Variants in C9orf153 observed in about 807,000 individuals in gnomAD.
The protein encoded by C9orf153 is uncharacterized protein C9orf153.
In C9orf153, 10 loss-of-function variants were observed where a neutral mutation model predicts 9.0. The ratio of observed to expected loss-of-function variants is 1.11; its 90% confidence interval spans 0.69 to 1.89. The LOEUF (loss-of-function observed/expected upper bound fraction) is 1.89. Ranked by LOEUF, C9orf153 falls within the 40% of genes most tolerant of loss-of-function variation. The pLI is 0.00. For synonymous variants in C9orf153, 35 were observed against 37.3 expected (o/e 0.94, Z 0.23); for missense variants, 108 against 111.0 (o/e 0.97, Z 0.12).
intron 1 of C9orf153, among the ~76,000 whole-genome samples, chr9:86,255,928 A>ATTC (rs1825114405): frequency 6.6e-6 from 1 of 152,162 alleles, no homozygotes; most frequent in Non-Finnish European, 1.5e-5. Context: ...TTGGGGAAGG[A>ATTC]GAACTTTGAT....
intron 1 of C9orf153, 30 bp from the exon 2 acceptor site, chr9:86,229,659 A>G: frequency 7.7e-7 from 1 of 1,304,998 alleles, no homozygotes; most frequent in Non-Finnish European, 1.1e-6. Flanking sequence ...AAAAGACAAA[A>G]ATCAAAGATT....
chr9:86,236,939 T>TAAAA (rs57214746), intron 1 of C9orf153, among the ~76,000 whole-genome samples: 6 of 79,952 alleles, frequency 7.5e-5, no homozygotes, highest in African/African-American at 8.0e-5. Flanking sequence ...CGTCTCTAAA[T>TAAAA]AAAAAAAAAA....
intron 1 of C9orf153, among the ~76,000 whole-genome samples, chr9:86,232,139 C>A (rs1824485846): frequency 6.6e-6 from 1 of 152,178 alleles, no homozygotes; most frequent in Non-Finnish European, 1.5e-5. Context: ...AATATGTCCT[C>A]ATGTTATTAC....
chr9:86,224,743 C>G (rs571465861), intron 3 of C9orf153, among the ~76,000 whole-genome samples: 1 of 143,156 alleles, frequency 7.0e-6, no homozygotes, highest in Non-Finnish European at 1.5e-5. Flanking sequence ...CTGGCTAATA[C>G]GGTAAAACCC....
intron 2 of C9orf153, 147 bp downstream of exon 2, chr9:86,229,390 GA>G (rs1824412570): frequency 1.8e-6 from 1 of 557,952 alleles, no homozygotes; most frequent in Non-Finnish European, 3.2e-6. Flanking sequence ...ACTTCTCTGT[GA>G]CTAAGAATGT....
In C9orf153 at chr9:86,229,563, C is replaced by G; in HGVS notation, c.41G>C (p.Arg14Thr). 1 of 1,612,812 alleles carries G rather than the reference C, an allele frequency of 6.2e-7. No individual in the cohort carries two copies. Among genetic ancestry groups the G allele is most frequent in the Non-Finnish European group, 8.5e-7 (1 of 1,178,880 alleles). ...TGDTSPAEDN[R>T]EATLPQCSLP... The stretch of plus-strand genomic sequence containing the variant: ...TGAACATTGAGGAAGGGTGGCTTCT[C>G]TATTGTCCTCAGCTGGACTGGTGTC... The change falls in exon 2 of 4, where the codon AGA (arginine) becomes ACA (threonine). Residue 14 changes from arginine (R) to threonine (T), a missense_variant. Physicochemically the swap from Arg to Thr is moderately conservative, Grantham distance 71. Transcript: ENST00000339137.
intron 2 of C9orf153, 62 bp downstream of exon 2, chr9:86,229,476 T>C: frequency 8.5e-7 from 1 of 1,178,506 alleles, no homozygotes; most frequent in Non-Finnish European, 1.3e-6. Flanking sequence ...AGTTTGAATG[T>C]TTATGATTCT....
Position 86,227,647 on chromosome 9 carries a change from C to CTT in C9orf153, c.242+206_242+207dup. On this transcript the variant is annotated intron_variant, in intron 3 of 3. Coordinates refer to ENST00000339137, the MANE Select transcript of C9orf153 (RefSeq NM_001276366.4). ...TGCATAAGATTTTGGGGCTTGGAAC[C>CTT]TTCTGTACGGTAACTTGGGCCAAGG... is the stretch of plus-strand genomic sequence containing the variant. The CTT allele has an allele frequency of 4.1e-6, 4 of 985,322 alleles. No homozygotes were observed. In the South Asian group the frequency reaches 1.4e-4, roughly 35 times the overall value. The allele number at this position is 985,322 out of a possible 1,614,324, so 61.0% of individuals were successfully genotyped here. A position where few individuals can be genotyped will look rare whatever the true frequency, so the allele number is the denominator to read the frequency against.
chr9:86,247,766 A>C (rs1242367464), intron 1 of C9orf153, among the ~76,000 whole-genome samples: 1 of 152,244 alleles, frequency 6.6e-6, no homozygotes. Context: ...TTCATGGTGC[A>C]AAATTATCTT....
At chr9:86,229,971 C>A (rs1040675764) in intron 1 of C9orf153, among the ~76,000 whole-genome samples, 2 of 152,028 alleles carry the variant, frequency 1.3e-5, no homozygotes, top group Non-Finnish European at 2.9e-5. Context: ...GGGGGAAGTG[C>A]TATACACTTT....
intron 1 of C9orf153, among the ~76,000 whole-genome samples, chr9:86,254,082 C>T (rs1825054025): frequency 9.7e-6 from 1 of 102,894 alleles, no homozygotes; most frequent in African/African-American, 3.9e-5. Flanking sequence ...CAGAGCGAGA[C>T]TCCATTTCAA....
intron 1 of C9orf153, among the ~76,000 whole-genome samples, chr9:86,244,546 G>A (rs1168578511): frequency 1.3e-5 from 2 of 152,172 alleles, no homozygotes; most frequent in Non-Finnish European, 2.9e-5. Flanking sequence ...TGCCTAAATA[G>A]ATCTAAAAGA....
intron 1 of C9orf153, among the ~76,000 whole-genome samples, chr9:86,257,323 T>A (rs1023378770): frequency 6.6e-6 from 1 of 152,210 alleles, no homozygotes; most frequent in Non-Finnish European, 1.5e-5. Context: ...CTAGTCTAAG[T>A]GAGAAGACTC....
At chr9:86,222,378 C>T (rs566903602) in intron 3 of C9orf153, among the ~76,000 whole-genome samples, 22 of 151,894 alleles carry the variant, frequency 1.4e-4, no homozygotes, top group African/African-American at 5.1e-4. Flanking sequence ...TGCAGAGCAC[C>T]GAAAGCAGCA....
intron 1 of C9orf153, among the ~76,000 whole-genome samples, chr9:86,244,410 C>T (rs2131197431): frequency 6.6e-6 from 1 of 152,208 alleles, no homozygotes; most frequent in Non-Finnish European, 1.5e-5. Context: ...TGGAAGATCA[C>T]ATTAAAATCA....
At chr9:86,242,486 T>C (rs1267719012) in intron 1 of C9orf153, among the ~76,000 whole-genome samples, 1 of 152,196 alleles carries the variant, frequency 6.6e-6, no homozygotes, top group African/African-American at 2.4e-5. Flanking sequence ...GGCTGCCATG[T>C]ACAGCTTATA....
intron 1 of C9orf153, among the ~76,000 whole-genome samples, chr9:86,248,470 G>T (rs971459631): frequency 1.3e-5 from 2 of 152,084 alleles, no homozygotes; most frequent in Non-Finnish European, 2.9e-5. Flanking sequence ...CAGAGAGTAC[G>T]CGCGCAGGTT....
chr9:86,232,171 G>A (rs1824486393), intron 1 of C9orf153, among the ~76,000 whole-genome samples: 1 of 152,212 alleles, frequency 6.6e-6, no homozygotes, highest in Non-Finnish European at 1.5e-5. Flanking sequence ...TGATGACAAG[G>A]AATGGAGCAC....
chr9:86,234,656 T>C (rs139106201), intron 1 of C9orf153, among the ~76,000 whole-genome samples: 1 of 152,322 alleles, frequency 6.6e-6, no homozygotes, highest in South Asian at 2.1e-4. Flanking sequence ...GCTTAGACAA[T>C]GGTTTCTTGC....
Sources: allele counts gnomAD v4.1 joint callset (sites outside exome capture counted in the v4.1 genomes callset), GRCh38; gene constraint gnomAD v4.1.1; transcripts MANE v1.5; gene names NCBI Gene and HGNC (gene_info 2026-07-23, HGNC 2026-07-21).